The following CACNA1C variants were observed in gnomAD, a reference collection of about 807,000 sequenced individuals.
CACNA1C encodes the protein calcium voltage-gated channel subunit alpha1 C.
A neutral mutation model predicts 229.0 loss-of-function variants in CACNA1C; 30 were observed. The observed-to-expected ratio is 0.13, with a 90% CI of 0.10 to 0.18. CACNA1C has a LOEUF of 0.18. Among genes scored for constraint, CACNA1C ranks in the 10% least tolerant of loss-of-function variants. The probability of loss-of-function intolerance (pLI) is 1.00; values close to 1 mark genes in which losing one functional copy is unlikely to be tolerated. For missense variants in CACNA1C, 1,658 were observed against 2,845.0 expected (o/e 0.58, Z 9.49); for synonymous variants, 1,114 against 1,132.5 (o/e 0.98, Z 0.33).
intron 3 of CACNA1C, among the ~76,000 whole-genome samples, chr12:2,216,227 G>A (rs1163589526): frequency 6.6e-6 from 1 of 152,140 alleles, no homozygotes; most frequent in African/African-American, 2.4e-5. Flanking sequence ...CCTCAGTCGG[G>A]CACTGGATAT....
intron 3 of CACNA1C, among the ~76,000 whole-genome samples, chr12:2,437,602 A>C: frequency 6.6e-6 from 1 of 152,122 alleles, no homozygotes; most frequent in South Asian, 2.1e-4. Flanking sequence ...CCAGGCTCCG[A>C]CTGTTGCTAA....
At chr12:2,661,577 G>A (rs1005351752) in intron 34 of CACNA1C, among the ~76,000 whole-genome samples, 9 of 152,092 alleles carry the variant, frequency 5.9e-5, no homozygotes, top group African/African-American at 2.2e-4. Flanking sequence ...ATCAAGGAGT[G>A]GATCATTCCA....
At chr12:2,526,675 A>C (rs879407701) in intron 9 of CACNA1C, among the ~76,000 whole-genome samples, 21 of 152,380 alleles carry the variant, frequency 1.4e-4, no homozygotes, top group Non-Finnish European at 2.5e-4. Flanking sequence ...ACGTGTTTGC[A>C]CAAGAGTCTC....
At chr12:2,449,678 A>G (rs1289333211) in intron 4 of CACNA1C, among the ~76,000 whole-genome samples, 2 of 152,230 alleles carry the variant, frequency 1.3e-5, no homozygotes, top group African/African-American at 4.8e-5. Context: ...CAGCATGCAC[A>G]CACGGTTGGA....
chr12:2,116,433 G>A (rs892196805), intron 2 of CACNA1C, among the ~76,000 whole-genome samples: 1 of 150,778 alleles, frequency 6.6e-6, no homozygotes, highest in Admixed American at 6.6e-5. Flanking sequence ...GTGCAGTGGT[G>A]CCGTCTCGGC....
chr12:2,442,583 T>C (rs554975538), intron 3 of CACNA1C, among the ~76,000 whole-genome samples: 1 of 152,332 alleles, frequency 6.6e-6, no homozygotes, highest in African/African-American at 2.4e-5. Context: ...GGGGAATCCC[T>C]TCCAGCCTGT....
At chr12:2,655,514 T>G (rs987472329) in intron 34 of CACNA1C, among the ~76,000 whole-genome samples, 1 of 152,232 alleles carries the variant, frequency 6.6e-6, no homozygotes, top group Non-Finnish European at 1.5e-5. Context: ...TGGCTTGGAA[T>G]CTGAACAGGC....
At chr12:2,418,511 A>G (rs926894057) in intron 3 of CACNA1C, among the ~76,000 whole-genome samples, 6 of 151,842 alleles carry the variant, frequency 4.0e-5, no homozygotes, top group African/African-American at 1.4e-4. Flanking sequence ...CAGTTAGGCC[A>G]GAGCCCTGTG....
chr12:2,479,216 T>G lies in CACNA1C; in HGVS notation c.758-6888T>G, dbSNP rs774531595. Among the ~76,000 whole-genome samples the G allele has an allele frequency of 4.6e-5, 7 of 152,104 alleles. No homozygotes were observed. The highest frequency in any genetic ancestry group is 7.4e-5 in the Non-Finnish European group (5 of 68,012). On this transcript the variant is annotated intron_variant, in intron 5 of 46. Transcript: ENST00000399655. The surrounding 1 kb of genome is among the most constrained non-coding windows in gnomAD (Gnocchi z 4.3). ...TAAGTTTTTAAAAATTGTTTTAAAT[T>G]TTCTTTTTGTTTTTTAGAGACAGGG...
chr12:2,697,310 G>C lies in CACNA1C; in HGVS notation c.*6111G>C, dbSNP rs1044660136. 2.6e-5 allele frequency: 4 copies of C among 152,164 alleles called. No individual in the cohort carries two copies. Among genetic ancestry groups the C allele is most frequent in the African/African-American group, 9.7e-5 (4 of 41,422 alleles). The allele number at this position is 152,164 out of a possible 1,614,324, so 9.4% of individuals were successfully genotyped here. A position where few individuals can be genotyped will look rare whatever the true frequency, so the allele number is the denominator to read the frequency against. ...TGGGAAACAGAGATGAGCATGTCTG[G>C]ACAAGTCTGTGATGGTAGTGGATGA... On this transcript the variant is annotated 3_prime_UTR_variant, in exon 47 of 47. Transcript: ENST00000399655.
chr12:2,026,434 G>A (rs2047338883), intron 1 of CACNA1C, among the ~76,000 whole-genome samples: 1 of 152,172 alleles, frequency 6.6e-6, no homozygotes, highest in Non-Finnish European at 1.5e-5. Flanking sequence ...CAAGTCAGAT[G>A]GATCAGTTAG....
In CACNA1C at chr12:2,608,682, G is replaced by A; in HGVS notation, c.3528G>A (p.Glu1176=). Residue 1176 remains glutamate, a synonymous_variant, in exon 27 of 47, where the codon GAG becomes GAA. Transcript: ENST00000399655. The surrounding 1 kb of genome is among the most constrained non-coding windows in gnomAD (Gnocchi z 4.2). ...IVTFQEQGEQ[E]YKNCELDKNQ... ...CCTTTCAGGAGCAGGGGGAGCAGGA[G>A]TACAAGAACTGTGAGCTGGACAAGA... 6.2e-7 allele frequency: 1 copy of A among 1,614,222 alleles called. No homozygotes were observed. Among genetic ancestry groups the A allele is most frequent in the Non-Finnish European group, 8.5e-7 (1 of 1,180,026 alleles).
At chr12:2,460,603 G>A (rs116503024) in intron 5 of CACNA1C, among the ~76,000 whole-genome samples, 2,514 of 152,332 alleles carry the variant, frequency 0.017, 72 homozygotes, top group African/African-American at 0.056. Context: ...TAAGGTAGAC[G>A]TGTCTTGTAG....
chr12:2,135,750 C>G (rs1299124793), intron 3 of CACNA1C, among the ~76,000 whole-genome samples: 1 of 146,508 alleles, frequency 6.8e-6, no homozygotes, highest in Non-Finnish European at 1.5e-5. Flanking sequence ...GAAGTTACTG[C>G]TGTCTTTTTG....
intron 3 of CACNA1C, among the ~76,000 whole-genome samples, chr12:2,176,322 C>CA (rs2096643169): frequency 6.6e-6 from 1 of 152,064 alleles, no homozygotes; most frequent in Admixed American, 6.5e-5. Context: ...GAGGTGGTTG[C>CA]AGGGGCAGAC....
In CACNA1C at chr12:2,674,648, T is replaced by C; in HGVS notation, c.4828+6T>C. On this transcript the variant is annotated splice_donor_region_variant and intron_variant, in intron 39 of 46. Coordinates refer to ENST00000399655, the MANE Select transcript of CACNA1C (RefSeq NM_000719.7). The stretch of plus-strand genomic sequence containing the variant: ...GGTGGTGCCCCCTGCAGGTGGTGAG[T>C]GCTCCCTGGACTCCCGCACCTTGGC... 6.4e-7 allele frequency: 1 copy of C among 1,556,290 alleles called. No homozygotes were observed. Among genetic ancestry groups the C allele is most frequent in the Non-Finnish European group, 8.7e-7 (1 of 1,149,948 alleles).
chr12:2,387,279 G>A lies in CACNA1C; in HGVS notation c.478-61697G>A, dbSNP rs1305982263. Among the ~76,000 whole-genome samples the A allele has an allele frequency of 2.6e-5, 4 of 152,244 alleles. No homozygotes were observed. In the South Asian group the frequency reaches 6.2e-4, roughly 24 times the overall value. On this transcript the variant is annotated intron_variant, in intron 3 of 46. Coordinates refer to ENST00000399655, the MANE Select transcript of CACNA1C (RefSeq NM_000719.7). The stretch of plus-strand genomic sequence containing the variant: ...GTGGGTGCATCATTTGAGGTCAGGA[G>A]TTCGAGACCAGCCTGGCCAACTTGC...
chr12:2,123,559 A>G (rs906500320), intron 3 of CACNA1C, among the ~76,000 whole-genome samples: 1 of 152,042 alleles, frequency 6.6e-6, no homozygotes, highest in African/African-American at 2.4e-5. Flanking sequence ...ACAAGCCCCA[A>G]ATAGAACTCA....
intron 5 of CACNA1C, among the ~76,000 whole-genome samples, chr12:2,459,951 G>A (rs1420176422): frequency 6.6e-6 from 1 of 152,366 alleles, no homozygotes; most frequent in South Asian, 2.1e-4. Flanking sequence ...TAAGAAAAGA[G>A]TATAACAGTC....
Sources: allele counts gnomAD v4.1 joint callset (sites outside exome capture counted in the v4.1 genomes callset), GRCh38; gene constraint gnomAD v4.1.1; non-coding constraint Gnocchi (gnomAD v3.1); transcripts MANE v1.5; gene names NCBI Gene and HGNC (gene_info 2026-07-23, HGNC 2026-07-21).